The following DOK4 variants were observed in gnomAD, a reference collection of about 807,000 sequenced individuals.
DOK4 encodes the protein docking protein 4.
DOK4 carries 26 observed loss-of-function variants against 40.1 expected under a neutral mutation model. The observed-to-expected ratio is 0.65, with a 90% CI of 0.48 to 0.90. The LOEUF (loss-of-function observed/expected upper bound fraction) is 0.90. Ranked by LOEUF, DOK4 falls within the 40% of genes least tolerant of loss-of-function variation. The pLI, the probability that DOK4 is intolerant of heterozygous loss-of-function variation, is 0.00. For missense variants in DOK4, 392 were observed against 437.2 expected (o/e 0.90, Z 0.92); for synonymous variants, 179 against 177.0 (o/e 1.01, Z -0.09).
intron 4 of DOK4, 57 bp from the exon 5 acceptor site, chr16:57,475,276 G>A: frequency 1.3e-6 from 2 of 1,582,500 alleles, no homozygotes; most frequent in Non-Finnish European, 1.7e-6. Context: ...CACCCCGTCT[G>A]CCCAGCCTGA....
In DOK4 at chr16:57,479,298, C is replaced by T. The variant is rs1325517178; in HGVS notation, c.66+144G>A. 14 of 874,380 alleles carry T rather than the reference C, an allele frequency of 1.6e-5. No homozygotes were observed. Among genetic ancestry groups the T allele is most frequent in the Admixed American group, 9.9e-5 (4 of 40,232 alleles). 54.2% of individuals were successfully genotyped at this position (874,380 alleles called of 1,614,324 possible). A position where few individuals can be genotyped will look rare whatever the true frequency, so the allele number is the denominator to read the frequency against. ...AGGCACATGCCAGGCAGCACGCTGG[C>T]GAGGAGCCCCGAGACCACAGATGCA... On this transcript the variant is annotated intron_variant, in intron 2 of 8. Coordinates refer to ENST00000340099, the Ensembl canonical transcript of DOK4. The surrounding 1 kb of genome is among the most constrained non-coding windows in gnomAD (Gnocchi z 5.8).
intron 1 of DOK4, chr16:57,480,355 C>G (rs1332692574): frequency 1.3e-5 from 2 of 150,274 alleles, no homozygotes; most frequent in African/African-American, 5.1e-5. Context: ...GGCCTGTTCC[C>G]AGGCCCTGCA....
At chr16:57,474,311 T>G (rs1471352294) in intron 6 of DOK4, among the ~76,000 whole-genome samples, 1 of 152,212 alleles carries the variant, frequency 6.6e-6, no homozygotes, top group Non-Finnish European at 1.5e-5. Context: ...CTCATTGTTA[T>G]GCATTTTCCC....
chr16:57,473,828 C>T, intron 7 of DOK4, 73 bp downstream of exon 7: 1 of 1,599,510 alleles, frequency 6.3e-7, no homozygotes, highest in Non-Finnish European at 8.5e-7. Flanking sequence ...ACTGTGTACC[C>T]CAGGCACTTG....
At position 57,475,258 on chromosome 16, in the gene DOK4, C is replaced by T. The variant is rs138308886; in HGVS notation, c.290-39G>A. On this transcript the variant is annotated intron_variant, in intron 4 of 8. Transcript: ENST00000340099. ...TACTTCATCATGCAGCTCCAGAGCC[C>T]GGTAGCCCACCCCGTCTGCCCAGCC... The T allele has an allele frequency of 2.8e-3, 4,522 of 1,593,992 alleles. 16 individuals carry two copies. The Middle Eastern group carries it at 0.033, about 11-fold the overall frequency.
intron 1 of DOK4, chr16:57,481,596 G>A (rs917145286): frequency 6.6e-5 from 10 of 152,254 alleles, no homozygotes; most frequent in African/African-American, 1.2e-4. Flanking sequence ...CTGACCACTG[G>A]CTGTGGGTCT....
At chr16:57,473,644 G>C in exon 8 of DOK4, 1 of 1,614,272 alleles carries the variant, frequency 6.2e-7, no homozygotes, top group Non-Finnish European at 8.5e-7. Flanking sequence ...CGATGTTCTG[G>C]GAACCAGTGA....
intron 1 of DOK4, chr16:57,480,254 C>T: frequency 6.6e-6 from 1 of 152,554 alleles, no homozygotes; most frequent in Non-Finnish European, 1.5e-5. Context: ...TCAGCAGCCC[C>T]CACAAACCCC....
rs574017335 is a variant in DOK4, at chr16:57,485,988, G to A, written c.-182+317C>T. The stretch of plus-strand genomic sequence containing the variant: ...GGGGCTGGGTTATGCCCCTTCCGGG[G>A]GGGCAGGCCCGGGAGCGCAGGGCCT... On this transcript the variant is annotated intron_variant, in intron 1 of 8. Transcript: ENST00000340099. This position sits in a 1 kb window ranked among gnomAD's most constrained non-coding sequence, Gnocchi z 4.3. 6.6e-6 allele frequency among the ~76,000 whole-genome samples: 1 copy of A among 152,298 alleles called. No homozygotes were observed. The highest frequency in any genetic ancestry group is 2.4e-5 in the African/African-American group (1 of 41,586).
intron 1 of DOK4, among the ~76,000 whole-genome samples, chr16:57,483,460 G>A (rs1356442430): frequency 3.3e-5 from 5 of 151,832 alleles, no homozygotes; most frequent in Non-Finnish European, 7.4e-5. Context: ...GAGAGACCCC[G>A]TCTCTACAAA....
rs751026673 is a variant in DOK4, at chr16:57,473,688, T to C, written c.787A>G (p.Thr263Ala). Reference sequence around the variant, plus strand: ...CAGTAGGCACTGCGCGGCAGCATGGTCGTGGGTGTGCAGGGATACGAGTAA... The same window carrying C: ...CAGTAGGCACTGCGCGGCAGCATGGCCGTGGGTGTGCAGGGATACGAGTAA... The change falls in exon 8 of 9, where the codon ACC (threonine) becomes GCC (alanine). Residue 263 changes from threonine to alanine, a missense_variant. Physicochemically the swap from Thr to Ala is moderately conservative, Grantham distance 58 (BLOSUM62 0). Coordinates refer to ENST00000340099, the Ensembl canonical transcript of DOK4. The C allele has an allele frequency of 1.9e-6, 3 of 1,614,136 alleles. No homozygotes were observed. In the South Asian group the frequency reaches 3.3e-5, roughly 18 times the overall value.
At chr16:57,475,298 A>G in intron 4 of DOK4, 79 bp from the exon 5 acceptor site, 4 of 1,565,354 alleles carry the variant, frequency 2.6e-6, no homozygotes, top group South Asian at 1.2e-5. Context: ...TTATGCCACC[A>G]TGCACAGCAG....
chr16:57,483,333 C>A (rs1280418854), intron 1 of DOK4, among the ~76,000 whole-genome samples: 4 of 152,094 alleles, frequency 2.6e-5, no homozygotes, highest in African/African-American at 7.2e-5. Flanking sequence ...AATAGGACAG[C>A]AAGAAGTGGA....
rs1000751131 is a variant in DOK4, at chr16:57,485,724, C to T, written c.-182+581G>A. Among the ~76,000 whole-genome samples, 2 of 152,186 alleles carry T rather than the reference C, an allele frequency of 1.3e-5. No homozygotes were observed. The highest frequency in any genetic ancestry group is 4.1e-4 in the South Asian group (2 of 4,834). On this transcript the variant is annotated intron_variant, in intron 1 of 8. Coordinates refer to ENST00000340099, the Ensembl canonical transcript of DOK4. The surrounding 1 kb of genome is among the most constrained non-coding windows in gnomAD (Gnocchi z 4.3). The stretch of plus-strand genomic sequence containing the variant: ...AGAAAGCATGTAACTGGATCTAGGG[C>T]CTTGCGGGCCCTGGGGGAGAAGGTG...
In DOK4 at chr16:57,479,291, A is replaced by T; in HGVS notation, c.66+151T>A. The T allele has an allele frequency of 1.2e-6, 1 of 832,742 alleles. No individual in the cohort carries two copies. The highest frequency in any genetic ancestry group is 1.7e-5 in the African/African-American group (1 of 58,378). 51.6% of individuals were successfully genotyped at this position (832,742 alleles called of 1,614,324 possible). The stretch of plus-strand genomic sequence containing the variant: ...CCAGCCCAGGCACATGCCAGGCAGC[A>T]CGCTGGCGAGGAGCCCCGAGACCAC... On this transcript the variant is annotated intron_variant, in intron 2 of 8. Transcript: ENST00000340099. This position sits in a 1 kb window ranked among gnomAD's most constrained non-coding sequence, Gnocchi z 5.8.
chr16:57,475,801 T>C, intron 3 of DOK4, 49 bp downstream of exon 3: 1 of 1,257,398 alleles, frequency 8.0e-7, no homozygotes, highest in Non-Finnish European at 1.1e-6. Flanking sequence ...TCTCTCTCCA[T>C]CCCCCACAGC....
At chr16:57,484,664 C>T (rs1387799962) in intron 1 of DOK4, among the ~76,000 whole-genome samples, 2 of 152,200 alleles carry the variant, frequency 1.3e-5, no homozygotes, top group African/African-American at 4.8e-5. Flanking sequence ...CTCGAGGGAC[C>T]ACTGCACTAG....
intron 4 of DOK4, 47 bp from the exon 5 acceptor site, chr16:57,475,266 C>A: frequency 1.3e-6 from 2 of 1,589,744 alleles, no homozygotes; most frequent in Non-Finnish European, 1.7e-6. Flanking sequence ...CCCGGTAGCC[C>A]ACCCCGTCTG....
At position 57,475,123 on chromosome 16, in the gene DOK4, G is replaced by A. The variant is rs142742351; in HGVS notation, c.386C>T (p.Pro129Leu). The A allele has an allele frequency of 4.3e-6, 7 of 1,613,626 alleles. No individual in the cohort carries two copies. In the African/African-American group the frequency reaches 8.0e-5, roughly 18 times the overall value. ...ACCTGTCTGTTCACACTGCACCCCTGGGGCCAGGAGGTCAGGTTCTCCCAG... is the reference window on the plus strand; with the variant it reads ...ACCTGTCTGTTCACACTGCACCCCTAGGGCCAGGAGGTCAGGTTCTCCCAG... Residue 129 changes from proline to leucine, a missense_variant, in exon 5 of 9, where the codon CCA (proline) becomes CTA (leucine). Pro to Leu is a moderately conservative substitution (Grantham distance 98). Transcript: ENST00000340099.
Sources: allele counts gnomAD v4.1 joint callset (sites outside exome capture counted in the v4.1 genomes callset), GRCh38; gene constraint gnomAD v4.1.1; non-coding constraint Gnocchi (gnomAD v3.1); transcripts MANE v1.5; gene names NCBI Gene and HGNC (gene_info 2026-07-23, HGNC 2026-07-21).